SEC11A: variants seen among roughly 807,000 people sequenced by gnomAD.
The protein encoded by SEC11A is signal peptidase complex catalytic subunit SEC11A.
SEC11A carries 14 observed loss-of-function variants against 25.6 expected under a neutral mutation model. The ratio of observed to expected loss-of-function variants is 0.55; its 90% confidence interval spans 0.36 to 0.85. The LOEUF is 0.85. Among genes scored for constraint, SEC11A ranks in the 40% least tolerant of loss-of-function variants. SEC11A has a pLI of 0.01. For synonymous variants in SEC11A, 83 were observed against 76.4 expected (o/e 1.09, Z -0.45); for missense variants, 153 against 222.9 (o/e 0.69, Z 2.00).
intron 4 of SEC11A, chr15:84,672,872 C>T (rs1201857618): frequency 4.9e-6 from 1 of 205,772 alleles, no homozygotes; most frequent in South Asian, 5.8e-5. Context: ...GCCTCTGCCC[C>T]GCCGCCCCGT....
chr15:84,716,075 TGGCGGGGAC>T lies in SEC11A; in HGVS notation c.-9_-1del, dbSNP rs776084289. On this transcript the variant is annotated 5_prime_UTR_variant, in exon 1 of 6. Transcript: ENST00000268220. ...TCGTCCAAAAAGTCTAGAGACAGCA[TGGCGGGGAC>T]GGCGAGCAGGACACCGGCAGGGGAA... 1.9e-6 allele frequency: 3 copies of T among 1,613,604 alleles called. No homozygotes were observed. Among genetic ancestry groups the T allele is most frequent in the South Asian group, 2.2e-5 (2 of 91,036 alleles).
intron 3 of SEC11A, among the ~76,000 whole-genome samples, chr15:84,681,107 TAA>T: frequency 6.6e-6 from 1 of 152,222 alleles, no homozygotes; most frequent in East Asian, 1.9e-4. Context: ...CAAATTTTAT[TAA>T]GTGAAGAAAA....
At chr15:84,676,557 T>A (rs1266181776) in intron 4 of SEC11A, among the ~76,000 whole-genome samples, 1 of 150,926 alleles carries the variant, frequency 6.6e-6, no homozygotes, top group Non-Finnish European at 1.5e-5. Flanking sequence ...GCAGATCACC[T>A]GATGTCAGGA....
chr15:84,677,626 C>T (rs1446116996), intron 4 of SEC11A, among the ~76,000 whole-genome samples: 1 of 151,948 alleles, frequency 6.6e-6, no homozygotes, highest in Non-Finnish European at 1.5e-5. Flanking sequence ...GCACCCGCCA[C>T]CACGCCCAGC....
intron 1 of SEC11A, among the ~76,000 whole-genome samples, chr15:84,696,095 A>C (rs1358394567): frequency 6.6e-6 from 1 of 152,192 alleles, no homozygotes; most frequent in Non-Finnish European, 1.5e-5. Flanking sequence ...GACAATTAGA[A>C]ATATTTGCTG....
intron 4 of SEC11A, chr15:84,672,910 G>A (rs954600886): frequency 1.8e-4 from 39 of 212,776 alleles, no homozygotes; most frequent in Non-Finnish European, 3.4e-4. Flanking sequence ...CCTCTGCCCG[G>A]CCGCGACCCT....
chr15:84,673,748 A>T (rs945126450), intron 4 of SEC11A: 3 of 152,084 alleles, frequency 2.0e-5, no homozygotes, highest in African/African-American at 7.2e-5. Flanking sequence ...GTCACTACTA[A>T]AAATATAAAA....
chr15:84,689,339 G>C (rs911148679), intron 2 of SEC11A, among the ~76,000 whole-genome samples: 1 of 152,056 alleles, frequency 6.6e-6, no homozygotes, highest in African/African-American at 2.4e-5. Flanking sequence ...GGTTTCACAG[G>C]AATATACTTA....
intron 2 of SEC11A, among the ~76,000 whole-genome samples, chr15:84,691,199 C>G (rs1220233226): frequency 6.6e-6 from 1 of 151,662 alleles, no homozygotes; most frequent in Non-Finnish European, 1.5e-5. Flanking sequence ...CTCAGCCTCC[C>G]GAGTAGCTGA....
chr15:84,705,795 C>T (rs1341982716), intron 1 of SEC11A, among the ~76,000 whole-genome samples: 1 of 151,014 alleles, frequency 6.6e-6, no homozygotes, highest in Non-Finnish European at 1.5e-5. Flanking sequence ...GCAGAAGTTG[C>T]AGTGAGCCGA....
chr15:84,708,032 AC>A (rs1335708564), intron 1 of SEC11A, among the ~76,000 whole-genome samples: 1 of 151,920 alleles, frequency 6.6e-6, no homozygotes, highest in Non-Finnish European at 1.5e-5. Context: ...ACATGGTGAA[AC>A]CCCGTCTTTA....
In SEC11A at chr15:84,687,612, A is replaced by G; in HGVS notation, c.311+13T>C. 6.4e-7 allele frequency: 1 copy of G among 1,562,944 alleles called. No homozygotes were observed. The highest frequency in any genetic ancestry group is 8.6e-7 in the Non-Finnish European group (1 of 1,165,352). On this transcript the variant is annotated intron_variant, in intron 3 of 5. Transcript: ENST00000268220. ...AAGCACTTAGAAACAAAGATGCTAT[A>G]CTTTGCACATACTTTTCATGAATCT...
intron 1 of SEC11A, among the ~76,000 whole-genome samples, chr15:84,713,961 A>AGTGTTCAG (rs1340025403): frequency 6.6e-6 from 1 of 151,416 alleles, no homozygotes; most frequent in Non-Finnish European, 1.5e-5. Context: ...TCTTTATCCA[A>AGTGTTCAG]GTGTTCAGGC....
intron 4 of SEC11A, chr15:84,673,378 C>T: frequency 5.4e-6 from 1 of 184,282 alleles, no homozygotes; most frequent in South Asian, 9.7e-5. Context: ...AAGAAGTAGA[C>T]ATGGGAGACT....
chr15:84,670,228 G>T, intron 5 of SEC11A, 159 bp from the exon 6 acceptor site: 6 of 471,190 alleles, frequency 1.3e-5, no homozygotes, highest in South Asian at 8.2e-5. Context: ...CCAATACTAA[G>T]CAAAATATCA....
At chr15:84,700,593 C>CAAAAAAAAAAA (rs776113920) in intron 1 of SEC11A, among the ~76,000 whole-genome samples, 5 of 36,102 alleles carry the variant, frequency 1.4e-4, no homozygotes, top group Non-Finnish European at 1.7e-4. Context: ...GACTCTGTCT[C>CAAAAAAAAAAA]AAAAAAAAAA....
intron 3 of SEC11A, among the ~76,000 whole-genome samples, chr15:84,683,849 C>T (rs572950513): frequency 1.3e-5 from 2 of 152,114 alleles, no homozygotes; most frequent in Admixed American, 6.6e-5. Flanking sequence ...AAGTCCTACT[C>T]CAGCATTTCA....
chr15:84,693,877 C>T (rs1272810049), intron 1 of SEC11A, among the ~76,000 whole-genome samples: 1 of 152,110 alleles, frequency 6.6e-6, no homozygotes, highest in Non-Finnish European at 1.5e-5. Context: ...GGTGAATTCT[C>T]ATATCTGCAA....
intron 1 of SEC11A, 60 bp downstream of exon 1, chr15:84,715,965 G>A (rs1898452843): frequency 6.5e-7 from 1 of 1,535,722 alleles, no homozygotes; most frequent in Non-Finnish European, 9.0e-7. Context: ...GCCGGGCCCC[G>A]CAGCAGCAGC....
Sources: allele counts gnomAD v4.1 joint callset (sites outside exome capture counted in the v4.1 genomes callset), GRCh38; gene constraint gnomAD v4.1.1; transcripts MANE v1.5; gene names NCBI Gene and HGNC (gene_info 2026-07-23, HGNC 2026-07-21).